The following ELAVL2 variants were observed in gnomAD, a reference collection of about 807,000 sequenced individuals.
ELAVL2 encodes ELAV-like protein 2.
Under a neutral mutation model 34.6 loss-of-function variants are expected in ELAVL2, and 4 were observed. The ratio of observed to expected loss-of-function variants is 0.12; its 90% confidence interval spans 0.06 to 0.26. The LOEUF (loss-of-function observed/expected upper bound fraction) is 0.26. Among genes scored for constraint, ELAVL2 ranks in the 10% least tolerant of loss-of-function variants. The probability of loss-of-function intolerance (pLI) is 1.00; values close to 1 mark genes in which losing one functional copy is unlikely to be tolerated. For synonymous variants in ELAVL2, 193 were observed against 154.8 expected (o/e 1.25, Z -1.83); for missense variants, 432 against 442.8 (o/e 0.98, Z 0.22).
intron 1 of ELAVL2, chr9:23,765,243 T>C (rs2055967375): frequency 3.0e-6 from 2 of 658,626 alleles, no homozygotes; most frequent in Non-Finnish European, 5.0e-6. Flanking sequence ...GCAATTCCAA[T>C]CTAATCTTTC....
At chr9:23,812,101 T>C (rs1209529871) in intron 1 of ELAVL2, among the ~76,000 whole-genome samples, 2 of 152,196 alleles carry the variant, frequency 1.3e-5, no homozygotes, top group East Asian at 3.9e-4. Context: ...TACTATTAAA[T>C]GCAAGAGTGG....
In ELAVL2 at chr9:23,692,409, AT is replaced by A. The variant is rs1711921595; in HGVS notation, c.*147del. On this transcript the variant is annotated 3_prime_UTR_variant, in exon 7 of 7. Coordinates refer to ENST00000397312, the MANE Select transcript of ELAVL2 (RefSeq NM_004432.5). ...TTAATTCAAATACTAGCAATAAAAA[AT>A]CTCACATATTTCTTAGGATGCTAAG... 18 of 794,958 alleles carry A rather than the reference AT, an allele frequency of 2.3e-5. No individual in the cohort carries two copies. The South Asian group carries it at 3.7e-4, about 16-fold the overall frequency. The allele number at this position is 794,958 out of a possible 1,614,324, so 49.2% of individuals were successfully genotyped here. A position where few individuals can be genotyped will look rare whatever the true frequency, so the allele number is the denominator to read the frequency against.
At chr9:23,765,464 T>C (rs546347413) in intron 1 of ELAVL2, among the ~76,000 whole-genome samples, 25 of 152,236 alleles carry the variant, frequency 1.6e-4, no homozygotes, top group South Asian at 8.3e-4. Flanking sequence ...GGAGGAAATG[T>C]GAATGAAATT....
chr9:23,781,437 A>C (rs2136815605), intron 1 of ELAVL2, among the ~76,000 whole-genome samples: 1 of 152,230 alleles, frequency 6.6e-6, no homozygotes, highest in African/African-American at 2.4e-5. Context: ...ACAATATACT[A>C]CGTTCCAAGT....
the ELAVL2 span, among the ~76,000 whole-genome samples, chr9:23,847,099 G>A: frequency 6.6e-6 from 1 of 152,022 alleles, no homozygotes; most frequent in Non-Finnish European, 1.5e-5. Flanking sequence ...AGTCATAGCA[G>A]GTAGACAATA....
intron 2 of ELAVL2, among the ~76,000 whole-genome samples, chr9:23,732,789 C>G: frequency 6.6e-6 from 1 of 152,126 alleles, no homozygotes; most frequent in African/African-American, 2.4e-5. Flanking sequence ...CTCTCTGAAC[C>G]ACAGCTTCCT....
In ELAVL2 at chr9:23,701,497, T is replaced by A; in HGVS notation, c.595A>T (p.Thr199Ser). The A allele has an allele frequency of 6.2e-7, 1 of 1,614,122 alleles. No homozygotes were observed. The highest frequency in any genetic ancestry group is 8.5e-7 in the Non-Finnish European group (1 of 1,180,002). The part of the protein sequence containing the change: ...QKPPGATEPI[T>S]VKFANNPSQK... ...CTTGGGTTATTAGCAAACTTTACAG[T>A]GATTGGCTCCGTGGCACCGGGAGGT... is the stretch of plus-strand genomic sequence containing the variant. The change falls in exon 5 of 7, where the codon ACT (threonine) becomes TCT (serine). Residue 199 changes from threonine to serine, a missense_variant. Thr to Ser is a moderately conservative substitution (Grantham distance 58). Transcript: ENST00000397312.
intron 1 of ELAVL2, among the ~76,000 whole-genome samples, chr9:23,791,159 A>G (rs188513164): frequency 6.1e-4 from 93 of 152,368 alleles, no homozygotes; most frequent in African/African-American, 2.1e-3. Flanking sequence ...ACTCAACTTT[A>G]AAAGGCAGAG....
chr9:23,760,751 T>C (rs2135971906), intron 2 of ELAVL2, among the ~76,000 whole-genome samples: 1 of 152,212 alleles, frequency 6.6e-6, no homozygotes, highest in Admixed American at 6.6e-5. Flanking sequence ...CCGTTTGCTA[T>C]GGATCAATGA....
At position 23,704,994 on chromosome 9, in the gene ELAVL2, G is replaced by C. The variant is rs144189536; in HGVS notation, c.411C>G (p.Thr137=). 2.3e-5 allele frequency: 37 copies of C among 1,614,042 alleles called. No homozygotes were observed. The African/African-American group carries it at 4.5e-4, about 20-fold the overall frequency. ...LYVSGLPKTM[T]QKELEQLFSQ... ...AAAAAAGCTGTTCCAACTCCTTCTG[G>C]GTCATTGTTTTTGGAAGTCCGCTGA... Residue 137 remains threonine, a synonymous_variant, in exon 4 of 7, where the codon ACC becomes ACG. Coordinates refer to ENST00000397312, the MANE Select transcript of ELAVL2 (RefSeq NM_004432.5).
At chr9:23,818,109 C>G (rs948760935) in intron 1 of ELAVL2, among the ~76,000 whole-genome samples, 2 of 152,090 alleles carry the variant, frequency 1.3e-5, no homozygotes, top group African/African-American at 4.8e-5. Context: ...CTGTGCGTAA[C>G]CAGAACCGGT....
chr9:23,789,195 C>A (rs2060054602), intron 1 of ELAVL2, among the ~76,000 whole-genome samples: 1 of 152,054 alleles, frequency 6.6e-6, no homozygotes, highest in Non-Finnish European at 1.5e-5. Flanking sequence ...TATAGAGGGA[C>A]TGCTTATTCA....
intron 1 of ELAVL2, chr9:23,765,232 G>A: frequency 2.8e-6 from 2 of 708,706 alleles, no homozygotes; most frequent in South Asian, 2.3e-5. Context: ...TTGAAATTGA[G>A]GCAATTCCAA....
chr9:23,839,363 G>A, the ELAVL2 span, among the ~76,000 whole-genome samples: 48 of 151,974 alleles, frequency 3.2e-4, no homozygotes, highest in South Asian at 9.6e-3. Context: ...GACTCATGGC[G>A]CAGTCCTGAA....
At chr9:23,809,162 T>C (rs2062640252) in intron 1 of ELAVL2, among the ~76,000 whole-genome samples, 1 of 152,154 alleles carries the variant, frequency 6.6e-6, no homozygotes, top group African/African-American at 2.4e-5. Context: ...CCTGACTGCT[T>C]TGTGCATAGC....
At chr9:23,779,367 G>A (rs377458224) in intron 1 of ELAVL2, 3 of 985,388 alleles carry the variant, frequency 3.0e-6, no homozygotes, top group South Asian at 4.7e-5. Flanking sequence ...AAAGGCAAGG[G>A]AAGAAAGCAA....
intron 1 of ELAVL2, among the ~76,000 whole-genome samples, chr9:23,812,008 A>G (rs1342225187): frequency 6.6e-6 from 1 of 152,162 alleles, no homozygotes; most frequent in Non-Finnish European, 1.5e-5. Context: ...CCCTAAAGCA[A>G]TAAGCAACAA....
chr9:23,745,445 G>A (rs946701684), intron 2 of ELAVL2, among the ~76,000 whole-genome samples: 4 of 152,026 alleles, frequency 2.6e-5, no homozygotes, highest in African/African-American at 9.7e-5. Context: ...TCCTTTAGGT[G>A]TACACAAACA....
chr9:23,809,164 GT>G (rs2062641151), intron 1 of ELAVL2, among the ~76,000 whole-genome samples: 1 of 152,082 alleles, frequency 6.6e-6, no homozygotes, highest in Admixed American at 6.6e-5. Context: ...TGACTGCTTT[GT>G]GCATAGCCTG....
Sources: allele counts gnomAD v4.1 joint callset (sites outside exome capture counted in the v4.1 genomes callset), GRCh38; gene constraint gnomAD v4.1.1; transcripts MANE v1.5; gene names NCBI Gene and HGNC (gene_info 2026-07-23, HGNC 2026-07-21).